The following SEMA3E variants were observed in gnomAD, a reference collection of about 807,000 sequenced individuals.
SEMA3E encodes the protein semaphorin 3E.
SEMA3E carries 49 observed loss-of-function variants against 93.6 expected under a neutral mutation model. The observed-to-expected ratio is 0.52, with a 90% CI of 0.42 to 0.66. The LOEUF (loss-of-function observed/expected upper bound fraction) is 0.66, where lower values mean the gene tolerates loss of function less well. Among genes scored for constraint, SEMA3E ranks in the 30% least tolerant of loss-of-function variants. SEMA3E has a pLI of 0.00. For missense variants in SEMA3E, 906 were observed against 964.8 expected, an observed-to-expected ratio of 0.94 and a Z score of 0.81; for synonymous variants, 363 against 330.7, an observed-to-expected ratio of 1.10 and a Z score of -1.06.
In SEMA3E at chr7:83,532,786, TAAAAAAAGAAAG is replaced by T. The variant is rs1343348822; in HGVS notation, c.116-42524_116-42513del. Among the ~76,000 whole-genome samples, 312 of 151,346 alleles carry T rather than the reference TAAAAAAAGAAAG, an allele frequency of 2.1e-3. 1 individual carries two copies. The highest frequency in any genetic ancestry group is 3.8e-3 in the Non-Finnish European group (256 of 67,856). ...CTGAAATTATTTCCTGTTTTTTTTT[TAAAAAAAGAAAG>T]AAAACAGCAACAAAAAACAAATATG... is the stretch of plus-strand genomic sequence containing the variant. On this transcript the variant is annotated intron_variant, in intron 1 of 16. Transcript: ENST00000643230.
intron 1 of SEMA3E, among the ~76,000 whole-genome samples, chr7:83,491,099 CT>C (rs879729592): frequency 6.6e-6 from 1 of 151,934 alleles, no homozygotes; most frequent in Admixed American, 6.6e-5. Flanking sequence ...TAGAAGATAA[CT>C]TTTTTTACAA....
At chr7:83,469,398 C>CCTT in intron 2 of SEMA3E, 96 bp from the exon 3 acceptor site, 1 of 598,306 alleles carries the variant, frequency 1.7e-6, no homozygotes, top group Non-Finnish European at 2.9e-6. Context: ...AAAACATTTC[C>CCTT]TTTTTTTTTT....
intron 1 of SEMA3E, among the ~76,000 whole-genome samples, chr7:83,531,309 T>C (rs1016335067): frequency 6.6e-6 from 1 of 151,038 alleles, no homozygotes; most frequent in Non-Finnish European, 1.5e-5. Flanking sequence ...ACAAGTTATT[T>C]GTGTGCATGT....
chr7:83,368,180 G>A, intron 16 of SEMA3E, 142 bp from the exon 17 acceptor site: 1 of 698,768 alleles, frequency 1.4e-6, no homozygotes, highest in Non-Finnish European at 2.5e-6. Context: ...ACACAAAAAT[G>A]CTAAATAATT....
chr7:83,583,854 A>G (rs375148705), intron 1 of SEMA3E, among the ~76,000 whole-genome samples: 5 of 152,240 alleles, frequency 3.3e-5, no homozygotes, highest in African/African-American at 9.6e-5. Context: ...GTGATGCTTG[A>G]TGCTGCCACA....
chr7:83,448,821 A>G (rs1486623384), intron 4 of SEMA3E, among the ~76,000 whole-genome samples: 1 of 152,212 alleles, frequency 6.6e-6, no homozygotes, highest in African/African-American at 2.4e-5. Context: ...GTGATGAACT[A>G]GGATAACATT....
At chr7:83,405,898 A>G in intron 8 of SEMA3E, 47 bp downstream of exon 8, 2 of 1,296,534 alleles carry the variant, frequency 1.5e-6, no homozygotes, top group Non-Finnish European at 1.1e-6. Context: ...AGTTATAAAG[A>G]AGCATATACA....
chr7:83,566,868 A>G (rs1016773353), intron 1 of SEMA3E, among the ~76,000 whole-genome samples: 2 of 152,222 alleles, frequency 1.3e-5, no homozygotes, highest in Non-Finnish European at 2.9e-5. Flanking sequence ...GAAGGAACAA[A>G]GGACATATAA....
At position 83,558,862 on chromosome 7, in the gene SEMA3E, A is replaced by G. The variant is rs114115491; in HGVS notation, c.116-68588T>C. Among the ~76,000 whole-genome samples, 930 of 152,218 alleles carry G rather than the reference A, an allele frequency of 6.1e-3. 9 individuals are homozygous for G. The highest frequency in any genetic ancestry group is 0.022 in the African/African-American group (895 of 41,554). ...ATATTTTAGTGAAAAAAGAAATACA[A>G]TATAAATCAAATATAAGATTTAAAT... is the stretch of plus-strand genomic sequence containing the variant. On this transcript the variant is annotated intron_variant, in intron 1 of 16. Coordinates refer to ENST00000643230, the MANE Select transcript of SEMA3E (RefSeq NM_012431.3).
chr7:83,517,664 CAAACTGCTGTA>C lies in SEMA3E; in HGVS notation c.116-27401_116-27391del, dbSNP rs556218565. On this transcript the variant is annotated intron_variant, in intron 1 of 16. Coordinates refer to ENST00000643230, the MANE Select transcript of SEMA3E (RefSeq NM_012431.3). ...AGAGGTAGCAGAAGCCTAGAGCTGCCAAACTGCTGTAAATAGAAGAAAGGAAAAAGAAAAAT... is the reference window on the plus strand; with the variant it reads ...AGAGGTAGCAGAAGCCTAGAGCTGCCAATAGAAGAAAGGAAAAAGAAAAAT... Among the ~76,000 whole-genome samples the C allele has an allele frequency of 2.5e-4, 38 of 151,954 alleles. No homozygotes were observed. The South Asian group carries it at 7.3e-3, about 29-fold the overall frequency.
At position 83,553,991 on chromosome 7, in the gene SEMA3E, A is replaced by T. The variant is rs573693271; in HGVS notation, c.116-63717T>A. Among the ~76,000 whole-genome samples, 57 of 152,234 alleles carry T rather than the reference A, an allele frequency of 3.7e-4. 1 individual carries two copies. Among genetic ancestry groups the T allele is most frequent in the Middle Eastern group, 6.8e-3 (2 of 292 alleles). On this transcript the variant is annotated intron_variant, in intron 1 of 16. Coordinates refer to ENST00000643230, the MANE Select transcript of SEMA3E (RefSeq NM_012431.3). ...CTTTCCCTATCCTTTTTAACTTTTTAAAAAATTTGCTGAATTATTAATTCA... is the reference window on the plus strand; with the variant it reads ...CTTTCCCTATCCTTTTTAACTTTTTTAAAAATTTGCTGAATTATTAATTCA...
intron 2 of SEMA3E, 134 bp downstream of exon 2, chr7:83,489,980 A>G (rs1270780095): frequency 2.5e-6 from 2 of 803,190 alleles, no homozygotes; most frequent in Non-Finnish European, 4.0e-6. Flanking sequence ...TTTCAGTTTT[A>G]ACTAATATTT....
rs140094033 is a variant in SEMA3E at position 83,648,528 on chromosome 7, C to A, written c.15G>T (p.Gly5=). 6.2e-7 allele frequency: 1 copy of A among 1,613,192 alleles called. No homozygotes were observed. Among genetic ancestry groups the A allele is most frequent in the Non-Finnish European group, 8.5e-7 (1 of 1,179,560 alleles). The change falls in exon 1 of 17, where the codon GGG becomes GGT. Residue 5 remains glycine (G), a synonymous_variant. Transcript: ENST00000643230. ...CCCACAGGAGCAAGGTGATAATGTG[C>A]CCCGCGGATGCCATGCTGCCGTGTT... MASA[G]HIITLLLWGY...
chr7:83,459,608 T>C (rs965440223), intron 4 of SEMA3E, among the ~76,000 whole-genome samples: 10 of 152,190 alleles, frequency 6.6e-5, no homozygotes, highest in African/African-American at 9.7e-5. Flanking sequence ...TACACTATGA[T>C]GTATTTTGGA....
chr7:83,367,564 G>T lies in SEMA3E; in HGVS notation c.*22C>A. On this transcript the variant is annotated 3_prime_UTR_variant, in exon 17 of 17. Coordinates refer to ENST00000643230, the MANE Select transcript of SEMA3E (RefSeq NM_012431.3). ...CTTTCCAAATATAAATTCTTCAAAAGACAGTAGATAGTCTCACCCCATCAG... is the reference window on the plus strand; with the variant it reads ...CTTTCCAAATATAAATTCTTCAAAATACAGTAGATAGTCTCACCCCATCAG... The T allele has an allele frequency of 6.2e-7, 1 of 1,609,792 alleles. No individual in the cohort carries two copies. Among genetic ancestry groups the T allele is most frequent in the African/African-American group, 1.3e-5 (1 of 74,906 alleles).
intron 1 of SEMA3E, among the ~76,000 whole-genome samples, chr7:83,554,139 G>A (rs887988434): frequency 2.0e-5 from 3 of 152,110 alleles, no homozygotes; most frequent in Non-Finnish European, 2.9e-5. Flanking sequence ...TGTATAATGA[G>A]TTGTTTACAG....
chr7:83,512,965 A>G (rs905971572), intron 1 of SEMA3E, among the ~76,000 whole-genome samples: 21 of 152,228 alleles, frequency 1.4e-4, no homozygotes, highest in African/African-American at 3.9e-4. Flanking sequence ...AGGCTAAACT[A>G]ATGACATACA....
intron 1 of SEMA3E, among the ~76,000 whole-genome samples, chr7:83,597,046 C>T (rs566082991): frequency 4.6e-5 from 7 of 152,052 alleles, no homozygotes; most frequent in African/African-American, 7.2e-5. Flanking sequence ...CCAACGGAAC[C>T]GGTGACTGCC....
chr7:83,561,036 T>C (rs1562833097), intron 1 of SEMA3E, among the ~76,000 whole-genome samples: 1 of 152,056 alleles, frequency 6.6e-6, no homozygotes, highest in Non-Finnish European at 1.5e-5. Context: ...TATGTGATCA[T>C]GGAAATGTTA....
Sources: allele counts gnomAD v4.1 joint callset (sites outside exome capture counted in the v4.1 genomes callset), GRCh38; gene constraint gnomAD v4.1.1; transcripts MANE v1.5; gene names NCBI Gene and HGNC (gene_info 2026-07-23, HGNC 2026-07-21).